The following TPRA1 variants were observed in gnomAD, a reference collection of about 807,000 sequenced individuals.
TPRA1 encodes transmembrane protein adipocyte-associated 1.
A neutral mutation model predicts 40.1 loss-of-function variants in TPRA1; 28 were observed. The observed-to-expected ratio is 0.70, with a 90% CI of 0.52 to 0.96. The LOEUF (loss-of-function observed/expected upper bound fraction) is 0.96, where lower values mean the gene tolerates loss of function less well. TPRA1 is among the 40% of genes least tolerant of loss of function. The pLI, the probability that TPRA1 is intolerant of heterozygous loss-of-function variation, is 0.00. For synonymous variants in TPRA1, 219 were observed against 209.7 expected (o/e 1.04, Z -0.38); for missense variants, 441 against 482.6 (o/e 0.91, Z 0.81).
At chr3:127,591,357 G>T (rs933136295), upstream of TPRA1, among the ~76,000 whole-genome samples, 1 of 152,244 alleles carries the variant, frequency 6.6e-6, no homozygotes, top group Non-Finnish European at 1.5e-5. Flanking sequence ...CCTGAGGCTT[G>T]GAGAGGTCAA....
chr3:127,588,581 C>T (rs1481474094), intron 1 of TPRA1, among the ~76,000 whole-genome samples: 2 of 152,158 alleles, frequency 1.3e-5, no homozygotes, highest in East Asian at 3.9e-4. Flanking sequence ...CCACCACACC[C>T]GGCTAATTTT....
chr3:127,580,152 C>T lies in TPRA1; in HGVS notation c.-6G>A. 6.2e-7 allele frequency: 1 copy of T among 1,611,356 alleles called. No homozygotes were observed. Among genetic ancestry groups the T allele is most frequent in the Non-Finnish European group, 8.5e-7 (1 of 1,179,768 alleles). The stretch of plus-strand genomic sequence containing the variant: ...ACCTCCTCCAGGGTGTCCATCCCGC[C>T]AGCAGCCAGCCCTGGGGGAGTGAGA... On this transcript the variant is annotated 5_prime_UTR_variant, in exon 2 of 11. Coordinates refer to ENST00000355552, the MANE Select transcript of TPRA1 (RefSeq NM_001136053.4).
In TPRA1 at chr3:127,590,459, G is replaced by A. The variant is rs2074138464; in HGVS notation, c.-67C>T. ...ACCGGCCGCCCCGGCCGCCCCGGCC[G>A]CCCATCCGCCGCCACTGGGTGTGCG... is the stretch of plus-strand genomic sequence containing the variant. On this transcript the variant is annotated 5_prime_UTR_variant, in exon 1 of 11. Transcript: ENST00000355552. 1 of 149,792 alleles carries A rather than the reference G, an allele frequency of 6.7e-6. No individual in the cohort carries two copies. Among genetic ancestry groups the A allele is most frequent in the African/African-American group, 2.4e-5 (1 of 41,232 alleles). The allele number at this position is 149,792 out of a possible 1,614,324, so 9.3% of individuals were successfully genotyped here.
rs185307934 is a variant in TPRA1 at position 127,576,439 on chromosome 3, C to T, written c.498+178G>A. Among the ~76,000 whole-genome samples the T allele has an allele frequency of 2.2e-3, 331 of 152,300 alleles. 6 individuals are homozygous for T. Among genetic ancestry groups the T allele is most frequent in the Non-Finnish European group, 4.4e-4 (30 of 68,018 alleles). On this transcript the variant is annotated intron_variant, in intron 6 of 10. Transcript: ENST00000355552. This position sits in a 1 kb window ranked among gnomAD's most constrained non-coding sequence, Gnocchi z 4.6. ...TCCTGGCGCCCTGGCCCACTGGATC[C>T]AAATCTCCAGGGGACCCCAGAATGT...
At chr3:127,578,373 GC>G (rs2073717196) in intron 3 of TPRA1, among the ~76,000 whole-genome samples, 1 of 152,188 alleles carries the variant, frequency 6.6e-6, no homozygotes, top group Non-Finnish European at 1.5e-5. Flanking sequence ...CAAGCCACTG[GC>G]CCCAGGTCAC....
Position 127,573,633 on chromosome 3 carries a change from T to C in TPRA1, c.1010A>G (p.Gln337Arg). ...GGCCACCCCGCCGGCAGAGTCGAACTGCGTGCTCGAGTAGCTGGCAGCTGA... is the reference window on the plus strand; with the variant it reads ...GGCCACCCCGCCGGCAGAGTCGAACCGCGTGCTCGAGTAGCTGGCAGCTGA... ...GASAASYSST[Q>R]FDSAGGVAYL... Residue 337 changes from glutamine (Q) to arginine (R), a missense_variant, in exon 11 of 11, where the codon CAG (glutamine) becomes CGG (arginine). Physicochemically the swap from Gln to Arg is conservative, Grantham distance 43. Transcript: ENST00000355552. 1 of 1,613,372 alleles carries C rather than the reference T, an allele frequency of 6.2e-7. No individual in the cohort carries two copies. The highest frequency in any genetic ancestry group is 8.5e-7 in the Non-Finnish European group (1 of 1,179,988).
At chr3:127,582,729 G>A (rs376120758) in intron 1 of TPRA1, among the ~76,000 whole-genome samples, 155 of 150,300 alleles carry the variant, frequency 1.0e-3, no homozygotes, top group African/African-American at 3.2e-3. Flanking sequence ...GGCTGGGCAC[G>A]GTGGCTCACA....
chr3:127,585,659 G>A (rs1217417687), intron 1 of TPRA1, among the ~76,000 whole-genome samples: 1 of 152,212 alleles, frequency 6.6e-6, no homozygotes. Flanking sequence ...GCCAAAGACG[G>A]CTGATGGTGC....
chr3:127,572,688 G>T lies in TPRA1; in HGVS notation c.*833C>A, dbSNP rs1337678104. ...TAGTGTTTTCCAATCCTTACAAAAG[G>T]CCCTGCAGGATGGGTCTTCTCCGCA... On this transcript the variant is annotated 3_prime_UTR_variant, in exon 11 of 11. Transcript: ENST00000355552. Among the ~76,000 whole-genome samples the T allele has an allele frequency of 6.6e-6, 1 of 152,162 alleles. No homozygotes were observed. The highest frequency in any genetic ancestry group is 1.5e-5 in the Non-Finnish European group (1 of 68,022).
chr3:127,592,384 T>TG (rs1559855749), upstream of TPRA1, among the ~76,000 whole-genome samples: 2 of 140,448 alleles, frequency 1.4e-5, no homozygotes, highest in African/African-American at 2.7e-5. Context: ...TTTTTTTTTT[T>TG]TTTTTTTTTT....
chr3:127,592,331 C>T (rs1392359563), upstream of TPRA1, among the ~76,000 whole-genome samples: 3 of 150,766 alleles, frequency 2.0e-5, no homozygotes, highest in South Asian at 2.1e-4. Flanking sequence ...GCGAGCGCGC[C>T]GACACACAAC....
chr3:127,585,034 C>T lies in TPRA1; in HGVS notation c.-17-4871G>A, dbSNP rs145479729. Among the ~76,000 whole-genome samples, 1,072 of 152,108 alleles carry T rather than the reference C, an allele frequency of 7.0e-3. 12 individuals are homozygous for T. Among genetic ancestry groups the T allele is most frequent in the African/African-American group, 0.024 (1,008 of 41,484 alleles). On this transcript the variant is annotated intron_variant, in intron 1 of 10. Coordinates refer to ENST00000355552, the MANE Select transcript of TPRA1 (RefSeq NM_001136053.4). The stretch of plus-strand genomic sequence containing the variant: ...TGGGTCCCCAGCACAATGAGGCCTC[C>T]GTGCATGTACTGGACAGCTTGCACA...
intron 1 of TPRA1, among the ~76,000 whole-genome samples, chr3:127,583,428 T>A (rs577928347): frequency 1.6e-4 from 24 of 151,654 alleles, no homozygotes; most frequent in Admixed American, 5.9e-4. Flanking sequence ...AGCCCAGGAG[T>A]TCGAGGCTGC....
upstream of TPRA1, among the ~76,000 whole-genome samples, chr3:127,592,325 GCGCGCCGACACACAACA>G (rs2074187836): frequency 6.6e-6 from 1 of 151,390 alleles, no homozygotes; most frequent in Admixed American, 6.6e-5. Context: ...AACCCTGCGA[GCGCGCCGACACACAACA>G]CGAGGCGGTG....
rs1215935043 is a variant in TPRA1, at chr3:127,575,194, C to T, written c.845G>A (p.Gly282Asp). Residue 282 changes from glycine (G) to aspartate (D), a missense_variant, in exon 10 of 11, where the codon GGC becomes GAC. By Grantham distance (94) the Gly-to-Asp change is moderately conservative. Transcript: ENST00000355552. ...GCGGCCACAGACTCACCCGAAGAAG[C>T]CCCGGAGGAAAGCCACGTAGATGAG... The part of the protein sequence containing the change: ...APLIYVAFLR[G>D]FFGSEPKILF... The T allele has an allele frequency of 6.2e-7, 1 of 1,613,876 alleles. No individual in the cohort carries two copies. Among genetic ancestry groups the T allele is most frequent in the South Asian group, 1.1e-5 (1 of 91,086 alleles).
At position 127,578,954 on chromosome 3, in the gene TPRA1, C is replaced by T. The variant is rs1179508549; in HGVS notation, c.258+786G>A. On this transcript the variant is annotated intron_variant, in intron 3 of 10. Coordinates refer to ENST00000355552, the MANE Select transcript of TPRA1 (RefSeq NM_001136053.4). ...GGACAGCCCACACCCGAAGCCCACA[C>T]CAGGACAGCCCGCACCGGAAGCCTA... Among the ~76,000 whole-genome samples, 15 of 152,214 alleles carry T rather than the reference C, an allele frequency of 9.9e-5. No individual in the cohort carries two copies. In the East Asian group the frequency reaches 2.9e-3, roughly 29 times the overall value.
intron 1 of TPRA1, among the ~76,000 whole-genome samples, chr3:127,581,713 GA>G (rs1179278148): frequency 1.3e-5 from 2 of 150,880 alleles, no homozygotes; most frequent in Non-Finnish European, 3.0e-5. Flanking sequence ...AGGAGTTCGG[GA>G]CCAGCCTAGA....
chr3:127,575,371 C>T lies in TPRA1; in HGVS notation c.773+32G>A, dbSNP rs781579786. On this transcript the variant is annotated intron_variant, in intron 9 of 10. Transcript: ENST00000355552. ...CCCTGCCGCCCACTTCCCATGCCCC[C>T]ACGAGGCAGACACCCTGCGGCCCCC... 3.2e-6 allele frequency: 5 copies of T among 1,571,430 alleles called. No individual in the cohort carries two copies. The South Asian group carries it at 4.6e-5, about 14-fold the overall frequency.
At chr3:127,584,312 A>C (rs1202252545) in intron 1 of TPRA1, among the ~76,000 whole-genome samples, 2 of 150,534 alleles carry the variant, frequency 1.3e-5, no homozygotes, top group Non-Finnish European at 3.0e-5. Flanking sequence ...ATGGTGGTGC[A>C]TACCTGTAGT....
Sources: allele counts gnomAD v4.1 joint callset (sites outside exome capture counted in the v4.1 genomes callset), GRCh38; gene constraint gnomAD v4.1.1; non-coding constraint Gnocchi (gnomAD v3.1); transcripts MANE v1.5; gene names NCBI Gene and HGNC (gene_info 2026-07-23, HGNC 2026-07-21).